WDR7: variants seen among roughly 807,000 people sequenced by gnomAD.
WDR7 encodes the protein WD repeat domain 7.
In WDR7, 46 loss-of-function variants were observed where a neutral mutation model predicts 169.4. The observed-to-expected ratio is 0.27, with a 90% CI of 0.21 to 0.35. The LOEUF (loss-of-function observed/expected upper bound fraction) is 0.35. Ranked by LOEUF, WDR7 falls within the 10% of genes least tolerant of loss-of-function variation. The probability of loss-of-function intolerance (pLI) is 1.00; values close to 1 mark genes in which losing one functional copy is unlikely to be tolerated. For synonymous variants in WDR7, 612 were observed against 666.8 expected (o/e 0.92, Z 1.27); for missense variants, 1,534 against 1,859.3 (o/e 0.83, Z 3.22).
intron 20 of WDR7, among the ~76,000 whole-genome samples, chr18:56,854,289 GTTAA>G (rs2145380437): frequency 6.6e-6 from 1 of 152,324 alleles, no homozygotes; most frequent in Admixed American, 6.5e-5. Context: ...TCCTCTTCGA[GTTAA>G]TTAATTTGCT....
At chr18:56,779,828 G>A (rs187882445) in intron 18 of WDR7, among the ~76,000 whole-genome samples, 13 of 152,104 alleles carry the variant, frequency 8.5e-5, no homozygotes, top group East Asian at 3.9e-4. Context: ...GTTTCTGTAC[G>A]GATCACACAC....
chr18:56,991,801 G>A (rs1296820853), intron 26 of WDR7, among the ~76,000 whole-genome samples: 1 of 152,192 alleles, frequency 6.6e-6, no homozygotes, highest in Non-Finnish European at 1.5e-5. Flanking sequence ...TGTGATCCCA[G>A]CGATCTCTAA....
intron 21 of WDR7, among the ~76,000 whole-genome samples, chr18:56,922,831 T>C (rs2046745655): frequency 6.6e-6 from 1 of 152,204 alleles, no homozygotes; most frequent in Non-Finnish European, 1.5e-5. Flanking sequence ...CAATTGACTA[T>C]AATATAAAAA....
intron 26 of WDR7, among the ~76,000 whole-genome samples, chr18:56,994,301 G>A (rs2047864069): frequency 6.6e-6 from 1 of 152,070 alleles, no homozygotes; most frequent in African/African-American, 2.4e-5. Flanking sequence ...TAGGATTACA[G>A]GCTTGAGCCA....
At chr18:56,793,665 C>A (rs898297578) in intron 19 of WDR7, among the ~76,000 whole-genome samples, 2 of 152,136 alleles carry the variant, frequency 1.3e-5, no homozygotes, top group African/African-American at 4.8e-5. Context: ...GTTATACATG[C>A]CCCATAGCCC....
intron 25 of WDR7, among the ~76,000 whole-genome samples, chr18:56,961,315 T>C (rs1182865231): frequency 6.7e-6 from 1 of 148,254 alleles, no homozygotes; most frequent in Non-Finnish European, 1.5e-5. Flanking sequence ...AGAAATGAGA[T>C]TTTTTTTTCT....
At chr18:56,919,712 C>T (rs1599158176) in intron 21 of WDR7, among the ~76,000 whole-genome samples, 1 of 152,082 alleles carries the variant, frequency 6.6e-6, no homozygotes, top group African/African-American at 2.4e-5. Flanking sequence ...CACTTGTCCT[C>T]CATGGTTCTG....
At chr18:56,870,326 A>G (rs896470334) in intron 20 of WDR7, among the ~76,000 whole-genome samples, 1 of 152,184 alleles carries the variant, frequency 6.6e-6, no homozygotes, top group East Asian at 1.9e-4. Context: ...AATAACAAGT[A>G]GGTATGGAAA....
At chr18:56,955,089 A>G (rs977347551) in intron 25 of WDR7, among the ~76,000 whole-genome samples, 4 of 152,170 alleles carry the variant, frequency 2.6e-5, no homozygotes, top group Non-Finnish European at 4.4e-5. Context: ...TTTTTATCCC[A>G]TATGGTGATT....
chr18:56,806,554 C>T (rs879808960), intron 19 of WDR7, among the ~76,000 whole-genome samples: 25 of 152,106 alleles, frequency 1.6e-4, no homozygotes, highest in Non-Finnish European at 3.4e-4. Context: ...CTAGGGCTCC[C>T]AGTAGCACGG....
intron 2 of WDR7, among the ~76,000 whole-genome samples, chr18:56,675,751 G>A (rs2025230998): frequency 6.6e-6 from 1 of 151,968 alleles, no homozygotes; most frequent in African/African-American, 2.4e-5. Context: ...TTGAATAGAA[G>A]TGGCAAGAGT....
intron 20 of WDR7, among the ~76,000 whole-genome samples, chr18:56,816,855 G>A (rs2044980275): frequency 6.6e-6 from 1 of 151,852 alleles, no homozygotes; most frequent in Non-Finnish European, 1.5e-5. Context: ...TTTGGGTGTG[G>A]GTGGTTAAAA....
At chr18:56,949,461 A>C (rs1273975677) in intron 25 of WDR7, among the ~76,000 whole-genome samples, 1 of 152,242 alleles carries the variant, frequency 6.6e-6, no homozygotes, top group African/African-American at 2.4e-5. Context: ...ACTGTCTAGA[A>C]GACAGGTGGA....
intron 20 of WDR7, among the ~76,000 whole-genome samples, chr18:56,867,565 G>A (rs2045900048): frequency 1.3e-5 from 2 of 152,098 alleles, no homozygotes; most frequent in African/African-American, 4.8e-5. Context: ...TTGAGGAAAC[G>A]ATTATGTTGT....
chr18:56,878,477 C>T (rs1326979548), intron 20 of WDR7, among the ~76,000 whole-genome samples: 2 of 151,890 alleles, frequency 1.3e-5, no homozygotes, highest in Admixed American at 1.3e-4. Flanking sequence ...ATTTTCTGAT[C>T]CAAAGTAGAT....
intron 20 of WDR7, among the ~76,000 whole-genome samples, chr18:56,855,116 T>C (rs1217004313): frequency 6.6e-6 from 1 of 152,174 alleles, no homozygotes; most frequent in Non-Finnish European, 1.5e-5. Flanking sequence ...ATTTCGATAA[T>C]TATTAACAGT....
intron 7 of WDR7, among the ~76,000 whole-genome samples, chr18:56,690,139 T>G (rs1018609459): frequency 2.0e-5 from 3 of 152,370 alleles, no homozygotes; most frequent in South Asian, 2.1e-4. Context: ...TGCTAGGAAT[T>G]ATAAGAGCAG....
chr18:56,669,449 T>G (rs189975693), intron 1 of WDR7, among the ~76,000 whole-genome samples: 1 of 152,238 alleles, frequency 6.6e-6, no homozygotes, highest in African/African-American at 2.4e-5. Flanking sequence ...AGCTTTATCT[T>G]TTAAACATTT....
chr18:56,666,362 C>T (rs1351917831), intron 1 of WDR7, among the ~76,000 whole-genome samples: 1 of 151,972 alleles, frequency 6.6e-6, no homozygotes, highest in Non-Finnish European at 1.5e-5. Flanking sequence ...CGCCACCATG[C>T]CCAGCTAATT....
Sources: allele counts gnomAD v4.1 joint callset (sites outside exome capture counted in the v4.1 genomes callset), GRCh38; gene constraint gnomAD v4.1.1; transcripts MANE v1.5; gene names NCBI Gene and HGNC (gene_info 2026-07-23, HGNC 2026-07-21).